Variants in RABL3 observed in about 807,000 individuals in gnomAD.
RABL3 encodes the protein RAB, member of RAS oncogene family like 3.
A neutral mutation model predicts 31.8 loss-of-function variants in RABL3; 31 were observed. That is an observed-to-expected ratio of 0.97 (90% confidence interval 0.73 to 1.31). The LOEUF is 1.31. RABL3 is among the 40% of genes most tolerant of loss of function. RABL3 has a pLI of 0.00. For missense variants in RABL3, 263 were observed against 279.6 expected (o/e 0.94, Z 0.42); for synonymous variants, 97 against 99.9 (o/e 0.97, Z 0.18).
intron 1 of RABL3, among the ~76,000 whole-genome samples, chr3:120,734,838 G>C (rs903931611): frequency 6.6e-6 from 1 of 152,132 alleles, no homozygotes; most frequent in Admixed American, 6.5e-5. Flanking sequence ...TTATATGCTG[G>C]ATTATATTTA....
intron 1 of RABL3, among the ~76,000 whole-genome samples, chr3:120,741,174 C>T (rs1709038408): frequency 6.6e-6 from 1 of 152,182 alleles, no homozygotes; most frequent in African/African-American, 2.4e-5. Context: ...TCCCTTTAGG[C>T]CACAATTACT....
In RABL3 at chr3:120,685,725, A is replaced by G. The variant is rs932981310; in HGVS notation, c.*4098T>C. ...TGAATTCTGCTATAATGGCACTCAT[A>G]AAGTACAGAGTTCACAATCTATATT... On this transcript the variant is annotated 3_prime_UTR_variant, in exon 8 of 8. Coordinates refer to ENST00000273375, the MANE Select transcript of RABL3 (RefSeq NM_173825.5). 2.0e-5 allele frequency among the ~76,000 whole-genome samples: 3 copies of G among 152,218 alleles called. No individual in the cohort carries two copies. Among genetic ancestry groups the G allele is most frequent in the Non-Finnish European group, 4.4e-5 (3 of 68,038 alleles).
At chr3:120,737,574 G>A (rs1320909411) in intron 1 of RABL3, among the ~76,000 whole-genome samples, 2 of 152,238 alleles carry the variant, frequency 1.3e-5, no homozygotes, top group African/African-American at 4.8e-5. Flanking sequence ...GAGGAGCTGC[G>A]TTTCTTTGCA....
intron 2 of RABL3, among the ~76,000 whole-genome samples, chr3:120,726,392 A>C (rs1258152612): frequency 6.6e-6 from 1 of 152,196 alleles, no homozygotes; most frequent in African/African-American, 2.4e-5. Flanking sequence ...TGGGAGGCCA[A>C]GGTTGCAGGA....
intron 3 of RABL3, among the ~76,000 whole-genome samples, chr3:120,706,475 A>C (rs1264206547): frequency 1.3e-5 from 2 of 151,914 alleles, no homozygotes; most frequent in Non-Finnish European, 2.9e-5. Flanking sequence ...GTACATATGA[A>C]ATTATTCATT....
At chr3:120,705,817 A>G (rs1261038857) in intron 4 of RABL3, among the ~76,000 whole-genome samples, 183 bp downstream of exon 4, 2 of 152,260 alleles carry the variant, frequency 1.3e-5, no homozygotes, top group African/African-American at 4.8e-5. Context: ...GAAGAAAAGA[A>G]GAGTAATCAG....
chr3:120,715,188 T>C (rs1286821173), intron 2 of RABL3, among the ~76,000 whole-genome samples: 1 of 152,214 alleles, frequency 6.6e-6, no homozygotes, highest in Non-Finnish European at 1.5e-5. Context: ...CTTGAACTAC[T>C]ATAACACTTG....
chr3:120,734,853 T>C (rs1393621244), intron 1 of RABL3, among the ~76,000 whole-genome samples: 1 of 152,230 alleles, frequency 6.6e-6, no homozygotes. Context: ...TATTTATTGA[T>C]TTGCACATGT....
At chr3:120,695,703 G>A (rs1216252274) in intron 5 of RABL3, among the ~76,000 whole-genome samples, 2 of 152,100 alleles carry the variant, frequency 1.3e-5, no homozygotes, top group African/African-American at 4.8e-5. Context: ...TACAGCAATT[G>A]GGGCATATAA....
intron 1 of RABL3, among the ~76,000 whole-genome samples, chr3:120,734,589 G>C (rs1708931289): frequency 6.6e-6 from 1 of 152,272 alleles, no homozygotes; most frequent in Non-Finnish European, 1.5e-5. Flanking sequence ...TGTTGAATAG[G>C]AGTGGTGAGA....
chr3:120,714,101 C>T (rs1017760404), intron 2 of RABL3, among the ~76,000 whole-genome samples: 5 of 152,126 alleles, frequency 3.3e-5, no homozygotes, highest in South Asian at 2.1e-4. Context: ...TAAGCCACCG[C>T]GCCTGGCCCA....
At chr3:120,736,677 T>C (rs1000715535) in intron 1 of RABL3, among the ~76,000 whole-genome samples, 1 of 152,230 alleles carries the variant, frequency 6.6e-6, no homozygotes, top group African/African-American at 2.4e-5. Context: ...GTACCAGTTG[T>C]TCCTTTCCAT....
chr3:120,732,998 T>C (rs1410183149), intron 1 of RABL3, among the ~76,000 whole-genome samples: 2 of 152,202 alleles, frequency 1.3e-5, no homozygotes, highest in African/African-American at 4.8e-5. Flanking sequence ...GTCTTTGCTA[T>C]TGTGAATAGT....
At chr3:120,721,545 A>G (rs575818055) in intron 2 of RABL3, among the ~76,000 whole-genome samples, 1 of 152,344 alleles carries the variant, frequency 6.6e-6, no homozygotes, top group East Asian at 1.9e-4. Context: ...CTGATAAAAC[A>G]GACTTTAAAC....
At chr3:120,693,825 T>TA (rs1576330137) in intron 6 of RABL3, among the ~76,000 whole-genome samples, 2 of 152,146 alleles carry the variant, frequency 1.3e-5, no homozygotes, top group Non-Finnish European at 2.9e-5. Context: ...TCAGTGCCTT[T>TA]ATGGGGGTGG....
rs1360098001 is a variant in RABL3 at position 120,687,466 on chromosome 3, A to G, written c.*2357T>C. On this transcript the variant is annotated 3_prime_UTR_variant, in exon 8 of 8. Coordinates refer to ENST00000273375, the MANE Select transcript of RABL3 (RefSeq NM_173825.5). ...TGGCCAATTATACTTTTAAAAAAATATTTTGACATTTATACTTGTTTATTA... is the reference window on the plus strand; with the variant it reads ...TGGCCAATTATACTTTTAAAAAAATGTTTTGACATTTATACTTGTTTATTA... 6.6e-6 allele frequency: 1 copy of G among 152,158 alleles called. No homozygotes were observed. The highest frequency in any genetic ancestry group is 1.5e-5 in the Non-Finnish European group (1 of 68,032). The allele number at this position is 152,158 out of a possible 1,614,324, so 9.4% of individuals were successfully genotyped here.
chr3:120,735,358 G>T (rs981441503), intron 1 of RABL3, among the ~76,000 whole-genome samples: 5 of 152,080 alleles, frequency 3.3e-5, no homozygotes, highest in African/African-American at 1.2e-4. Flanking sequence ...TTCTCTGATG[G>T]TAGTTTGTAT....
chr3:120,686,286 A>C lies in RABL3; in HGVS notation c.*3537T>G, dbSNP rs1215577051. ...CTGTTAGACCTTTAAACTTCTTAAA[A>C]TATGATGTCACCTGTGCTTTAAAAA... On this transcript the variant is annotated 3_prime_UTR_variant, in exon 8 of 8. Coordinates refer to ENST00000273375, the MANE Select transcript of RABL3 (RefSeq NM_173825.5). Among the ~76,000 whole-genome samples, 1 of 152,208 alleles carries C rather than the reference A, an allele frequency of 6.6e-6. No homozygotes were observed. The highest frequency in any genetic ancestry group is 1.5e-5 in the Non-Finnish European group (1 of 68,034).
At chr3:120,705,359 A>G (rs1374908667) in intron 4 of RABL3, among the ~76,000 whole-genome samples, 1 of 152,234 alleles carries the variant, frequency 6.6e-6, no homozygotes, top group Non-Finnish European at 1.5e-5. Flanking sequence ...CTAAACAATT[A>G]TGAAAAAGAA....
Sources: allele counts gnomAD v4.1 joint callset (sites outside exome capture counted in the v4.1 genomes callset), GRCh38; gene constraint gnomAD v4.1.1; transcripts MANE v1.5; gene names NCBI Gene and HGNC (gene_info 2026-07-23, HGNC 2026-07-21).